The following DENND1B variants were observed in gnomAD, a reference collection of about 807,000 sequenced individuals.
DENND1B encodes the protein DENN domain-containing protein 1B.
A neutral mutation model predicts 90.1 loss-of-function variants in DENND1B; 59 were observed. The observed-to-expected ratio is 0.65, with a 90% CI of 0.53 to 0.81. The LOEUF (loss-of-function observed/expected upper bound fraction) is 0.81. DENND1B is among the 40% of genes least tolerant of loss of function. DENND1B has a pLI of 0.00. For missense variants in DENND1B, 862 were observed against 912.6 expected (o/e 0.94, Z 0.71); for synonymous variants, 337 against 324.6 (o/e 1.04, Z -0.41).
At chr1:197,727,565 CAT>C (rs898512810) in intron 2 of DENND1B, among the ~76,000 whole-genome samples, 13 of 150,514 alleles carry the variant, frequency 8.6e-5, no homozygotes, top group African/African-American at 2.7e-4. Context: ...AAAAAGAAAA[CAT>C]ATAATTATCA....
intron 3 of DENND1B, among the ~76,000 whole-genome samples, chr1:197,677,118 T>C (rs562179141): frequency 2.0e-5 from 3 of 152,278 alleles, no homozygotes; most frequent in South Asian, 4.1e-4. Flanking sequence ...AGATGTGTCA[T>C]TGTCGATACC....
In DENND1B at chr1:197,612,227, T is replaced by C. The variant is rs144532358; in HGVS notation, c.774-251A>G. Among the ~76,000 whole-genome samples, 807 of 150,684 alleles carry C rather than the reference T, an allele frequency of 5.4e-3. 9 individuals carry two copies. Among genetic ancestry groups the C allele is most frequent in the African/African-American group, 0.019 (773 of 41,332 alleles). On this transcript the variant is annotated intron_variant, in intron 11 of 22. Coordinates refer to ENST00000620048, the MANE Select transcript of DENND1B (RefSeq NM_001195215.2). ...TTTATAATTTAATCAAGAGTTATAATGCCTAAAAAGTTTGTTTGTTGGTTT... is the reference window on the plus strand; with the variant it reads ...TTTATAATTTAATCAAGAGTTATAACGCCTAAAAAGTTTGTTTGTTGGTTT...
intron 2 of DENND1B, among the ~76,000 whole-genome samples, chr1:197,716,417 T>C (rs976472839): frequency 6.6e-6 from 1 of 151,456 alleles, no homozygotes. Flanking sequence ...TAAATGATTA[T>C]ATCCTCATGT....
intron 2 of DENND1B, among the ~76,000 whole-genome samples, chr1:197,744,719 C>T (rs562010581): frequency 5.0e-4 from 76 of 152,308 alleles, no homozygotes; most frequent in African/African-American, 1.7e-3. Flanking sequence ...TAACAAGAGT[C>T]AGCCTGTACT....
chr1:197,759,953 AC>A (rs1654813988), intron 2 of DENND1B, among the ~76,000 whole-genome samples: 1 of 152,134 alleles, frequency 6.6e-6, no homozygotes, highest in African/African-American at 2.4e-5. Flanking sequence ...ATTCAGCCAT[AC>A]CTTAAAAAGA....
chr1:197,754,249 T>C (rs1164310745), intron 2 of DENND1B, among the ~76,000 whole-genome samples: 1 of 152,110 alleles, frequency 6.6e-6, no homozygotes, highest in African/African-American at 2.4e-5. Context: ...AGACTATATA[T>C]CTTTTCGGAA....
chr1:197,511,684 G>A, intron 22 of DENND1B, 44 bp downstream of exon 22: 1 of 1,477,476 alleles, frequency 6.8e-7, no homozygotes, highest in Middle Eastern at 1.9e-4. Context: ...GCCAAGGCAA[G>A]AATATTTTCT....
At chr1:197,766,316 C>CA (rs1459960972) in intron 2 of DENND1B, among the ~76,000 whole-genome samples, 2 of 152,156 alleles carry the variant, frequency 1.3e-5, no homozygotes, top group African/African-American at 4.8e-5. Context: ...TTGAGAGACT[C>CA]AGAGTTCTTA....
At chr1:197,603,644 G>T (rs1482853308) in intron 13 of DENND1B, among the ~76,000 whole-genome samples, 2 of 151,106 alleles carry the variant, frequency 1.3e-5, no homozygotes, top group African/African-American at 4.8e-5. Context: ...ATATTCATAT[G>T]AGAGAATTCC....
chr1:197,744,181 T>A (rs745424509), intron 2 of DENND1B, among the ~76,000 whole-genome samples: 1 of 152,208 alleles, frequency 6.6e-6, no homozygotes, highest in Non-Finnish European at 1.5e-5. Flanking sequence ...TATTTTGACC[T>A]CCTCCCATGA....
chr1:197,735,999 A>G (rs1662643699), intron 2 of DENND1B: 1 of 1,063,764 alleles, frequency 9.4e-7, no homozygotes, highest in Admixed American at 2.0e-5. Context: ...TAAGCAAAGT[A>G]TCTAAAAACA....
intron 11 of DENND1B, 118 bp from the exon 12 acceptor site, chr1:197,612,094 CA>C (rs2125849342): frequency 1.5e-6 from 1 of 687,760 alleles, no homozygotes; most frequent in African/African-American, 1.9e-5. Context: ...TCCAGCATAA[CA>C]CATTATAGAT....
At chr1:197,678,609 G>C (rs1025714673) in intron 3 of DENND1B, among the ~76,000 whole-genome samples, 6 of 152,118 alleles carry the variant, frequency 3.9e-5, no homozygotes, top group African/African-American at 1.4e-4. Flanking sequence ...CAAACTCTCA[G>C]GGACACCGTC....
intron 4 of DENND1B, 30 bp from the exon 5 acceptor site, chr1:197,672,186 T>C (rs749969589): frequency 7.1e-6 from 11 of 1,558,244 alleles, no homozygotes; most frequent in Middle Eastern, 1.7e-4. Context: ...GGAAACATTG[T>C]GCCTTGTTTG....
At chr1:197,764,870 A>G (rs976577928) in intron 2 of DENND1B, among the ~76,000 whole-genome samples, 5 of 152,134 alleles carry the variant, frequency 3.3e-5, no homozygotes, top group Admixed American at 3.3e-4. Flanking sequence ...TGGTGAGAAG[A>G]GGGGTAATCT....
intron 2 of DENND1B, among the ~76,000 whole-genome samples, chr1:197,753,725 G>A (rs866630742): frequency 3.9e-5 from 6 of 152,182 alleles, no homozygotes; most frequent in East Asian, 1.9e-4. Context: ...CGATGGCCAC[G>A]CGCGGTGGCT....
rs774273371 is a variant in DENND1B, at chr1:197,606,997, T to C, written c.921+76A>G. 8.6e-6 allele frequency: 9 copies of C among 1,048,802 alleles called. No individual in the cohort carries two copies. In the African/African-American group the frequency reaches 1.3e-4, roughly 15 times the overall value. The allele number at this position is 1,048,802 out of a possible 1,614,324, so 65.0% of individuals were successfully genotyped here. On this transcript the variant is annotated intron_variant, in intron 13 of 22. Transcript: ENST00000620048. ...ACCCTTTTATTTCAGATATTAAAAG[T>C]GGGAAAAATAACTTAGTAATTCAGA...
intron 2 of DENND1B, among the ~76,000 whole-genome samples, chr1:197,725,195 G>A (rs541908706): frequency 4.6e-5 from 7 of 152,140 alleles, no homozygotes; most frequent in African/African-American, 1.7e-4. Flanking sequence ...AAAAGATATG[G>A]ATACCTTTCA....
In DENND1B at chr1:197,557,774, A is replaced by G. The variant is rs115308221; in HGVS notation, c.1150-4662T>C. ...ACACCTTTTTCTATTTTTATTCAAT[A>G]ACAGCTATTTTTCCCCCAAGTGGAG... On this transcript the variant is annotated intron_variant, in intron 15 of 22. Transcript: ENST00000620048. Among the ~76,000 whole-genome samples, 898 of 152,012 alleles carry G rather than the reference A, an allele frequency of 5.9e-3. 13 individuals are homozygous for G. Among genetic ancestry groups the G allele is most frequent in the African/African-American group, 0.02 (840 of 41,556 alleles).
Sources: gnomAD v4.1 joint callset for allele counts (sites outside exome capture counted in the v4.1 genomes callset) on GRCh38, gnomAD v4.1.1 for gene constraint, MANE v1.5 for transcripts, NCBI Gene and HGNC (gene_info 2026-07-23, HGNC 2026-07-21) for gene names.